BCAS3: variants seen among roughly 807,000 people sequenced by gnomAD.
BCAS3 encodes the protein BCAS3 microtubule associated cell migration factor, also known as BCAS4/BCAS3 fusion.
In BCAS3, 53 loss-of-function variants were observed where a neutral mutation model predicts 116.1. The ratio of observed to expected loss-of-function variants is 0.46; its 90% confidence interval spans 0.37 to 0.57. The LOEUF is 0.57. BCAS3 is among the 20% of genes least tolerant of loss of function. The pLI is 0.00. For missense variants in BCAS3, 917 were observed against 1,165.4 expected, an observed-to-expected ratio of 0.79 and a Z score of 3.10; for synonymous variants, 391 against 408.2, an observed-to-expected ratio of 0.96 and a Z score of 0.51.
chr17:60,705,742 A>C (rs903735205), intron 4 of BCAS3, among the ~76,000 whole-genome samples: 1 of 152,164 alleles, frequency 6.6e-6, no homozygotes, highest in Non-Finnish European at 1.5e-5. Flanking sequence ...CTGATGTTAG[A>C]CAGTCTGCCA....
At chr17:60,852,120 C>T (rs574657377) in intron 7 of BCAS3, among the ~76,000 whole-genome samples, 2 of 151,650 alleles carry the variant, frequency 1.3e-5, no homozygotes, top group South Asian at 4.2e-4. Context: ...TTTTAAATTA[C>T]TTCTATTCCC....
intron 7 of BCAS3, among the ~76,000 whole-genome samples, chr17:60,834,350 A>G (rs1341631866): frequency 6.6e-6 from 1 of 152,056 alleles, no homozygotes; most frequent in African/African-American, 2.4e-5. Context: ...ATCCTTCTCT[A>G]AAATGTTTCC....
At chr17:60,910,748 T>TGG in intron 12 of BCAS3, 46 bp downstream of exon 12, 1 of 1,508,620 alleles carries the variant, frequency 6.6e-7, no homozygotes, top group Non-Finnish European at 9.0e-7. Context: ...CTTGCAAAGA[T>TGG]GGGGCTAAGA....
intron 11 of BCAS3, among the ~76,000 whole-genome samples, chr17:60,908,675 G>GC (rs2058321411): frequency 5.3e-5 from 8 of 152,296 alleles, no homozygotes; most frequent in African/African-American, 1.9e-4. Context: ...ATTGAGGAAC[G>GC]TTGATGTGTT....
chr17:60,927,480 C>T (rs1272124529), intron 13 of BCAS3, among the ~76,000 whole-genome samples: 1 of 152,156 alleles, frequency 6.6e-6, no homozygotes, highest in African/African-American at 2.4e-5. Flanking sequence ...TGGTCTCGAT[C>T]TGTTGACCTC....
rs542059349 is a variant in BCAS3 at position 60,814,074 on chromosome 17, G to C, written c.476+5998G>C. On this transcript the variant is annotated intron_variant, in intron 7 of 23. Coordinates refer to ENST00000407086, the MANE Select transcript of BCAS3 (RefSeq NM_017679.5). ...TTCTAATTTTGAGAAAAGTGACATT[G>C]GTAGTTTGATAGGAATAGTATTAAA... is the stretch of plus-strand genomic sequence containing the variant. Among the ~76,000 whole-genome samples, 13 of 152,092 alleles carry C rather than the reference G, an allele frequency of 8.5e-5. No homozygotes were observed. In the South Asian group the frequency reaches 1.3e-3, roughly 15 times the overall value.
chr17:61,266,596 A>G (rs2049737436), intron 22 of BCAS3, among the ~76,000 whole-genome samples: 1 of 152,194 alleles, frequency 6.6e-6, no homozygotes. Context: ...TTTCCTGCCT[A>G]GTGTCCTCAG....
intron 14 of BCAS3, among the ~76,000 whole-genome samples, chr17:60,969,201 G>T (rs986690664): frequency 3.3e-5 from 5 of 152,102 alleles, no homozygotes; most frequent in African/African-American, 1.2e-4. Context: ...TTGGTTTTCT[G>T]CAGGGGTAGT....
chr17:61,311,216 T>C (rs1349737798), intron 22 of BCAS3, among the ~76,000 whole-genome samples: 3 of 152,218 alleles, frequency 2.0e-5, no homozygotes, highest in African/African-American at 7.2e-5. Context: ...ATGTATATAT[T>C]TTTCCTTTTA....
chr17:61,099,591 T>C (rs547506551), intron 22 of BCAS3, among the ~76,000 whole-genome samples: 20 of 152,358 alleles, frequency 1.3e-4, no homozygotes, highest in African/African-American at 4.3e-4. Context: ...TTTTATGTTA[T>C]GCTTTTAAAG....
chr17:60,849,721 G>A (rs1398671299), intron 7 of BCAS3, among the ~76,000 whole-genome samples: 3 of 152,092 alleles, frequency 2.0e-5, no homozygotes, highest in Non-Finnish European at 4.4e-5. Context: ...GAAGAATTGA[G>A]TGAAAAGTAC....
chr17:60,745,953 AAG>A (rs2041980321), intron 5 of BCAS3, among the ~76,000 whole-genome samples: 1 of 152,082 alleles, frequency 6.6e-6, no homozygotes, highest in East Asian at 1.9e-4. Context: ...GTTACTCTAA[AAG>A]AGAGCTCTGT....
intron 19 of BCAS3, among the ~76,000 whole-genome samples, chr17:61,049,541 G>A (rs977407867): frequency 6.6e-6 from 1 of 151,448 alleles, no homozygotes; most frequent in African/African-American, 2.4e-5. Flanking sequence ...TAAAACTGCA[G>A]ATAGAAAAAG....
At chr17:61,168,983 A>T (rs1450814176) in intron 22 of BCAS3, among the ~76,000 whole-genome samples, 1 of 152,236 alleles carries the variant, frequency 6.6e-6, no homozygotes, top group Non-Finnish European at 1.5e-5. Context: ...ATACTCTCAC[A>T]TGTGCTGAGA....
rs977292644 is a variant in BCAS3, at chr17:61,307,176, G to A, written c.2426-61151G>A. Reference sequence around the variant, plus strand: ...AAGTGAAGAGCCTAGCCTAGTGCCGGCCCAAGTTGGGACTTGCTGAACATT... The same window carrying A: ...AAGTGAAGAGCCTAGCCTAGTGCCGACCCAAGTTGGGACTTGCTGAACATT... On this transcript the variant is annotated intron_variant, in intron 22 of 23. Transcript: ENST00000407086. The surrounding 1 kb of genome is among the most constrained non-coding windows in gnomAD (Gnocchi z 4.7). Among the ~76,000 whole-genome samples the A allele has an allele frequency of 6.6e-6, 1 of 152,224 alleles. No homozygotes were observed. Among genetic ancestry groups the A allele is most frequent in the East Asian group, 1.9e-4 (1 of 5,204 alleles).
At position 61,357,266 on chromosome 17, in the gene BCAS3, A is replaced by AAATT. The variant is rs1299490169; in HGVS notation, c.2426-11050_2426-11047dup. 2.7e-4 allele frequency among the ~76,000 whole-genome samples: 20 copies of AAATT among 74,798 alleles called. No homozygotes were observed. The South Asian group carries it at 2.9e-3, about 11-fold the overall frequency. 49.1% of individuals were successfully genotyped at this position (74,798 alleles called of 152,430 possible). The stretch of plus-strand genomic sequence containing the variant: ...ACAAAAAATAAATAAATAAATAAAT[A>AAATT]AATTAATTAATTAAATAAATAAATA... On this transcript the variant is annotated intron_variant, in intron 22 of 23. Transcript: ENST00000407086.
Position 61,106,150 on chromosome 17 carries a change from C to T in BCAS3, c.2425+21586C>T, listed in dbSNP as rs2074634085. Among the ~76,000 whole-genome samples, 1 of 152,136 alleles carries T rather than the reference C, an allele frequency of 6.6e-6. No individual in the cohort carries two copies. The highest frequency in any genetic ancestry group is 6.6e-5 in the Admixed American group (1 of 15,264). On this transcript the variant is annotated intron_variant, in intron 22 of 23. Transcript: ENST00000407086. The surrounding 1 kb of genome is among the most constrained non-coding windows in gnomAD (Gnocchi z 4.2). ...TTGTTATAATTGTTCTATTTTATTA[C>T]CAGTTATTGTTGTTAATCTTTGTGC...
chr17:61,111,670 T>A (rs111797997), intron 22 of BCAS3, among the ~76,000 whole-genome samples: 174 of 143,002 alleles, frequency 1.2e-3, no homozygotes, highest in African/African-American at 3.8e-3. Flanking sequence ...CTGCAGGATA[T>A]TATCCAGGAG....
intron 2 of BCAS3, among the ~76,000 whole-genome samples, chr17:60,682,968 G>T (rs1482630975): frequency 1.3e-5 from 2 of 151,820 alleles, no homozygotes; most frequent in African/African-American, 4.8e-5. Flanking sequence ...TTAGAGATGG[G>T]GTCTTGCTAT....
Sources: gnomAD v4.1 joint callset for allele counts (sites outside exome capture counted in the v4.1 genomes callset) on GRCh38, gnomAD v4.1.1 for gene constraint, Gnocchi (gnomAD v3.1) non-coding constraint, MANE v1.5 for transcripts, NCBI Gene and HGNC (gene_info 2026-07-23, HGNC 2026-07-21) for gene names.